The following FBXO34 variants were observed in gnomAD, a reference collection of about 807,000 sequenced individuals.
FBXO34 encodes the protein F-box only protein 34.
In FBXO34, 12 loss-of-function variants were observed where a neutral mutation model predicts 24.5. The observed-to-expected ratio is 0.49, with a 90% CI of 0.31 to 0.79. The LOEUF (loss-of-function observed/expected upper bound fraction) is 0.79, where lower values mean the gene tolerates loss of function less well. Among genes scored for constraint, FBXO34 ranks in the 30% least tolerant of loss-of-function variants. The pLI is 0.04. For missense variants in FBXO34, 823 were observed against 857.7 expected, an observed-to-expected ratio of 0.96 and a Z score of 0.51; for synonymous variants, 320 against 311.9, an observed-to-expected ratio of 1.03 and a Z score of -0.27.
rs1884438055 is a variant in FBXO34, at chr14:55,352,762, T to C, written c.*236T>C. 1 of 463,278 alleles carries C rather than the reference T, an allele frequency of 2.2e-6. No homozygotes were observed. Among genetic ancestry groups the C allele is most frequent in the African/African-American group, 2.0e-5 (1 of 51,010 alleles). The allele number at this position is 463,278 out of a possible 1,614,324, so 28.7% of individuals were successfully genotyped here. A position where few individuals can be genotyped will look rare whatever the true frequency, so the allele number is the denominator to read the frequency against. ...CCCGGGTGGTATCCCACAGTTGGAT[T>C]CAGTTGGCTGTGAATAACTGCCTGT... On this transcript the variant is annotated 3_prime_UTR_variant, in exon 2 of 2. Transcript: ENST00000313833.
intron 1 of FBXO34, among the ~76,000 whole-genome samples, chr14:55,336,629 C>T (rs1267118003): frequency 1.3e-5 from 2 of 152,158 alleles, no homozygotes; most frequent in Non-Finnish European, 2.9e-5. Context: ...ACTTAGCCAT[C>T]ATGCAGCTTC....
chr14:55,366,051 C>T (rs902783111), downstream of FBXO34, among the ~76,000 whole-genome samples: 14 of 152,114 alleles, frequency 9.2e-5, no homozygotes, highest in African/African-American at 3.1e-4. Context: ...AAAGTCTGGG[C>T]AGGTTCCACG....
At chr14:55,377,849 A>G in the FBXO34 span, 1 of 1,600,760 alleles carries the variant, frequency 6.2e-7, no homozygotes, top group Non-Finnish European at 8.5e-7. Flanking sequence ...TGGACTGACC[A>G]GGTACATTAG....
chr14:55,277,257 T>C (rs1594719455), intron 1 of FBXO34, among the ~76,000 whole-genome samples: 1 of 152,226 alleles, frequency 6.6e-6, no homozygotes, highest in East Asian at 1.9e-4. Context: ...TAGGGTCGCA[T>C]TGTGCTTGGT....
the FBXO34 span, among the ~76,000 whole-genome samples, chr14:55,378,791 A>T: frequency 4.6e-5 from 7 of 151,964 alleles, no homozygotes; most frequent in Non-Finnish European, 8.8e-5. Context: ...CTGCAGCCTC[A>T]ATCTCCTGGG....
intron 1 of FBXO34, among the ~76,000 whole-genome samples, chr14:55,323,249 A>G (rs1382016397): frequency 1.3e-5 from 1 of 78,774 alleles, no homozygotes; most frequent in Non-Finnish European, 2.3e-5. Flanking sequence ...TTTTTTTTTT[A>G]GAGACAGAGT....
the FBXO34 span, among the ~76,000 whole-genome samples, chr14:55,385,602 TTCTTAATCAGGAGTGTGAG>T: frequency 1.3e-5 from 2 of 152,230 alleles, no homozygotes; most frequent in Admixed American, 1.3e-4. Flanking sequence ...CATCAGATGG[TTCTTAATCAGGAGTGTGAG>T]TCAGCACCTC....
chr14:55,411,934 A>C, the FBXO34 span: 1 of 995,298 alleles, frequency 1.0e-6, no homozygotes, highest in Non-Finnish European at 1.5e-6. Context: ...GAGCCCCCGG[A>C]CCCCTCCGCC....
At chr14:55,350,179 C>T in intron 1 of FBXO34, among the ~76,000 whole-genome samples, 1 of 143,908 alleles carries the variant, frequency 6.9e-6, no homozygotes, top group South Asian at 2.2e-4. Context: ...AAAAAAAGTA[C>T]TACACACCAT....
At chr14:55,369,951 T>C (rs200842228), downstream of FBXO34, 131 of 1,557,972 alleles carry the variant, frequency 8.4e-5, no homozygotes, top group Non-Finnish European at 1.1e-4. Context: ...GAGGGTCTCT[T>C]TAGGATAACA....
intron 1 of FBXO34, among the ~76,000 whole-genome samples, chr14:55,294,307 T>A (rs953763717): frequency 2.0e-5 from 3 of 151,952 alleles, no homozygotes; most frequent in African/African-American, 4.8e-5. Flanking sequence ...TATTATTATT[T>A]TTTTTGAGAC....
chr14:55,290,384 T>A (rs1394809044), intron 1 of FBXO34, among the ~76,000 whole-genome samples: 1 of 137,666 alleles, frequency 7.3e-6, no homozygotes, highest in African/African-American at 2.8e-5. Flanking sequence ...AGAGTGAGAC[T>A]TCTCTCAAAA....
At chr14:55,389,373 C>T in the FBXO34 span, among the ~76,000 whole-genome samples, 2 of 152,174 alleles carry the variant, frequency 1.3e-5, no homozygotes, top group African/African-American at 4.8e-5. Context: ...AGAATGCATG[C>T]AAGACTGGGT....
chr14:55,331,100 T>C (rs747615845), intron 1 of FBXO34, among the ~76,000 whole-genome samples: 2 of 152,180 alleles, frequency 1.3e-5, no homozygotes, highest in Non-Finnish European at 2.9e-5. Flanking sequence ...AAATTTTTTT[T>C]AGACTTGTGA....
At chr14:55,343,897 G>A (rs897542263) in intron 1 of FBXO34, among the ~76,000 whole-genome samples, 4 of 152,186 alleles carry the variant, frequency 2.6e-5, no homozygotes, top group South Asian at 2.1e-4. Flanking sequence ...GGAAAGTTTA[G>A]TTGTCTTTTA....
At position 55,332,015 on chromosome 14, in the gene FBXO34, T is replaced by A. The variant is rs552471427; in HGVS notation, c.-10-18366T>A. On this transcript the variant is annotated intron_variant, in intron 1 of 1. Transcript: ENST00000313833. ...CACCACCGTGGTGTATATATAAAAA[T>A]ATATATATACCACCGTGGTGGTATA... is the stretch of plus-strand genomic sequence containing the variant. Among the ~76,000 whole-genome samples, 22 of 117,704 alleles carry A rather than the reference T, an allele frequency of 1.9e-4. No individual in the cohort carries two copies. The South Asian group carries it at 4.8e-3, about 26-fold the overall frequency. The allele number at this position is 117,704 out of a possible 152,430, so 77.2% of individuals were successfully genotyped here. A position where few individuals can be genotyped will look rare whatever the true frequency, so the allele number is the denominator to read the frequency against.
In FBXO34 at chr14:55,280,527, C is replaced by CTTTTTTT. The variant is rs77678519; in HGVS notation, c.-11+9001_-11+9007dup. Among the ~76,000 whole-genome samples the CTTTTTTT allele has an allele frequency of 1.9e-3, 239 of 125,852 alleles. 9 individuals carry two copies. The highest frequency in any genetic ancestry group is 2.5e-3 in the South Asian group (10 of 3,968). The allele number at this position is 125,852 out of a possible 152,430, so 82.6% of individuals were successfully genotyped here. On this transcript the variant is annotated intron_variant, in intron 1 of 1. Transcript: ENST00000313833. ...ATACTACACCATTTTATATCAGGAA[C>CTTTTTTT]TTTTTTTTTTTTTTTTTGAGATGGA... is the stretch of plus-strand genomic sequence containing the variant.
chr14:55,316,664 G>A (rs949110046), intron 1 of FBXO34, among the ~76,000 whole-genome samples: 3 of 150,392 alleles, frequency 2.0e-5, no homozygotes, highest in Non-Finnish European at 4.4e-5. Flanking sequence ...GGTGGTTGCA[G>A]TGCATTGAGC....
Position 55,351,891 on chromosome 14 carries a change from A to G in FBXO34, c.1501A>G (p.Thr501Ala). ...AGACTATTCCCAGTTGAATGAAAGC[A>G]CAACAAAAGAGTCTTCAGAGGCCAG... ...LSDYSQLNES[T>A]TKESSEASQL... Residue 501 changes from threonine to alanine, a missense_variant, in exon 2 of 2, where the codon ACA becomes GCA. Thr to Ala is a moderately conservative substitution (Grantham distance 58). Around this residue, in one of 2 missense-constraint regions of FBXO34, gnomAD observed 693 missense variants for 659.1 expected, o/e 1.05. Transcript: ENST00000313833. The G allele has an allele frequency of 6.2e-7, 1 of 1,614,182 alleles. No individual in the cohort carries two copies. The highest frequency in any genetic ancestry group is 8.5e-7 in the Non-Finnish European group (1 of 1,180,028).
Sources: allele counts gnomAD v4.1 joint callset (sites outside exome capture counted in the v4.1 genomes callset), GRCh38; gene constraint gnomAD v4.1.1; regional missense constraint gnomAD v4.1.1; transcripts MANE v1.5; gene names NCBI Gene and HGNC (gene_info 2026-07-23, HGNC 2026-07-21).